The following MAGI1 variants were observed in gnomAD, a reference collection of about 807,000 sequenced individuals.
MAGI1 encodes membrane associated guanylate kinase, WW and PDZ domain containing 1, also known as membrane-associated guanylate kinase, WW and PDZ domain-containing protein 1.
Under a neutral mutation model 139.9 loss-of-function variants are expected in MAGI1, and 58 were observed. The ratio of observed to expected loss-of-function variants is 0.41; its 90% CI spans 0.34 to 0.52. The LOEUF is 0.52. Among genes scored for constraint, MAGI1 ranks in the 20% least tolerant of loss-of-function variants. MAGI1 has a pLI of 0.12. For synonymous variants in MAGI1, 812 were observed against 737.9 expected (o/e 1.10, Z -1.63); for missense variants, 1,874 against 1,901.6 (o/e 0.99, Z 0.27).
intron 14 of MAGI1, among the ~76,000 whole-genome samples, chr3:65,384,288 TCA>T (rs1943273633): frequency 6.6e-6 from 1 of 152,228 alleles, no homozygotes; most frequent in African/African-American, 2.4e-5. Flanking sequence ...ATTCAACCAA[TCA>T]CAGATAGAAA....
intron 1 of MAGI1, among the ~76,000 whole-genome samples, chr3:65,834,984 G>A (rs1377974112): frequency 1.3e-5 from 2 of 152,146 alleles, no homozygotes; most frequent in Admixed American, 1.3e-4. Flanking sequence ...TTCATTTGAA[G>A]TGAGTTTCTT....
rs75867471 is a variant in MAGI1 at position 65,424,065 on chromosome 3, G to C, written c.2167+5455C>G. 2.1e-3 allele frequency among the ~76,000 whole-genome samples: 322 copies of C among 152,258 alleles called. 4 individuals are homozygous for C. In the East Asian group the frequency reaches 0.046, roughly 22 times the overall value. On this transcript the variant is annotated intron_variant, in intron 12 of 22. Transcript: ENST00000402939. ...AATTGGTGGCAGTTTCAATGTGGTT[G>C]CAACAATGAAGTCTTGAAAGGTTTT... is the stretch of plus-strand genomic sequence containing the variant.
At position 65,375,792 on chromosome 3, in the gene MAGI1, A is replaced by G; in HGVS notation, c.3149T>C (p.Ile1050Thr). The G allele has an allele frequency of 6.2e-7, 1 of 1,614,036 alleles. No individual in the cohort carries two copies. The highest frequency in any genetic ancestry group is 8.5e-7 in the Non-Finnish European group (1 of 1,179,998). Reference protein sequence around the residue: ...NKSHSDIVNLIKEAGNTVTLR... With the variant: ...NKSHSDIVNLTKEAGNTVTLR... Reference sequence around the variant, plus strand: ...GGTAACTGTGTTTCCCGCTTCCTTGATTAGGTTCACAATGTCTGAATGGGA... The same window carrying G: ...GGTAACTGTGTTTCCCGCTTCCTTGGTTAGGTTCACAATGTCTGAATGGGA... The change falls in exon 18 of 23, where the codon ATC becomes ACC. Residue 1050 changes from isoleucine (I) to threonine (T), a missense_variant. Coordinates refer to ENST00000402939, the MANE Select transcript of MAGI1 (RefSeq NM_001033057.2).
intron 1 of MAGI1, among the ~76,000 whole-genome samples, chr3:66,027,227 C>G (rs1159372008): frequency 6.6e-6 from 1 of 151,636 alleles, no homozygotes; most frequent in Non-Finnish European, 1.5e-5. Flanking sequence ...AAGATCGCAC[C>G]ACTGCACTCC....
At chr3:65,861,760 A>C (rs2059563696) in intron 1 of MAGI1, among the ~76,000 whole-genome samples, 1 of 151,566 alleles carries the variant, frequency 6.6e-6, no homozygotes, top group South Asian at 2.1e-4. Flanking sequence ...GAGTGACTCA[A>C]TGGCTGAATC....
chr3:65,511,172 A>C (rs1288918055), intron 2 of MAGI1, among the ~76,000 whole-genome samples: 6 of 150,398 alleles, frequency 4.0e-5, no homozygotes, highest in Non-Finnish European at 7.5e-5. Flanking sequence ...CATGGAAAGG[A>C]ACAACCGGTA....
intron 4 of MAGI1, among the ~76,000 whole-genome samples, chr3:65,476,186 T>C (rs1950876393): frequency 6.6e-6 from 1 of 152,140 alleles, no homozygotes; most frequent in Admixed American, 6.6e-5. Flanking sequence ...CATGAGTTAG[T>C]GTATGACAGA....
chr3:65,755,327 AAAAGCTTAG>A (rs1251856648), intron 1 of MAGI1, among the ~76,000 whole-genome samples: 1 of 152,230 alleles, frequency 6.6e-6, no homozygotes, highest in Admixed American at 6.5e-5. Flanking sequence ...ATCAAAGAGA[AAAAGCTTAG>A]AAAGCTTAAG....
chr3:66,004,000 C>T (rs1220284819), intron 1 of MAGI1: 2 of 152,152 alleles, frequency 1.3e-5, no homozygotes, highest in Non-Finnish European at 2.9e-5. Context: ...ATAATCTACT[C>T]CCACCCCCTT....
intron 1 of MAGI1, among the ~76,000 whole-genome samples, chr3:65,861,089 C>T (rs2059541146): frequency 6.6e-6 from 1 of 152,094 alleles, no homozygotes. Flanking sequence ...ACAACGCGGC[C>T]TTTGATCATG....
At chr3:65,857,946 T>A (rs1298646307) in intron 1 of MAGI1, among the ~76,000 whole-genome samples, 1 of 152,126 alleles carries the variant, frequency 6.6e-6, no homozygotes, top group Admixed American at 6.5e-5. Flanking sequence ...CCTAGTGTTT[T>A]AAATAGTATT....
chr3:65,923,676 T>A (rs1414824790), intron 1 of MAGI1, among the ~76,000 whole-genome samples: 1 of 151,956 alleles, frequency 6.6e-6, no homozygotes, highest in African/African-American at 2.4e-5. Flanking sequence ...TAACTTTAAG[T>A]GAGATGAGAG....
At chr3:65,985,323 T>C (rs2083278602) in intron 1 of MAGI1, among the ~76,000 whole-genome samples, 1 of 152,234 alleles carries the variant, frequency 6.6e-6, no homozygotes, top group African/African-American at 2.4e-5. Flanking sequence ...TAATCTCTTA[T>C]GAGAACAGCT....
chr3:65,506,433 G>C (rs185122904), intron 2 of MAGI1, among the ~76,000 whole-genome samples: 10 of 152,252 alleles, frequency 6.6e-5, no homozygotes, highest in Admixed American at 5.9e-4. Flanking sequence ...CTCTAACAAA[G>C]AGCACAGGTT....
At chr3:65,998,733 C>T (rs1477077090) in intron 1 of MAGI1, among the ~76,000 whole-genome samples, 1 of 151,682 alleles carries the variant, frequency 6.6e-6, no homozygotes, top group Non-Finnish European at 1.5e-5. Context: ...TCCTAAAATG[C>T]TGGTGAAAGC....
chr3:65,591,446 C>T (rs1029719580), intron 2 of MAGI1, among the ~76,000 whole-genome samples: 3 of 152,270 alleles, frequency 2.0e-5, no homozygotes, highest in African/African-American at 4.8e-5. Flanking sequence ...TCTGGTCTGG[C>T]CACTATAATC....
intron 1 of MAGI1, among the ~76,000 whole-genome samples, chr3:65,797,944 A>T (rs2040253224): frequency 6.6e-6 from 1 of 152,158 alleles, no homozygotes; most frequent in Non-Finnish European, 1.5e-5. Flanking sequence ...ACAGCTATGG[A>T]GCAACAGCCC....
chr3:66,037,399 T>G (rs1281923439), intron 1 of MAGI1, among the ~76,000 whole-genome samples: 2 of 152,060 alleles, frequency 1.3e-5, no homozygotes, highest in Non-Finnish European at 2.9e-5. Flanking sequence ...CTCCCAAGTG[T>G]ATGGCTGAGC....
intron 2 of MAGI1, among the ~76,000 whole-genome samples, chr3:65,567,755 G>A (rs959095192): frequency 2.0e-5 from 3 of 152,074 alleles, no homozygotes; most frequent in Non-Finnish European, 4.4e-5. Context: ...TGAATCACTT[G>A]AACCTGGGAG....
Sources: allele counts gnomAD v4.1 joint callset (sites outside exome capture counted in the v4.1 genomes callset), GRCh38; gene constraint gnomAD v4.1.1; transcripts MANE v1.5; gene names NCBI Gene and HGNC (gene_info 2026-07-23, HGNC 2026-07-21).